TRIM49: variants seen among roughly 807,000 people sequenced by gnomAD.
The protein encoded by TRIM49 is tripartite motif-containing protein 49.
A neutral mutation model predicts 27.4 loss-of-function variants in TRIM49; 5 were observed. The ratio of observed to expected loss-of-function variants is 0.18; its 90% confidence interval spans 0.10 to 0.38. The LOEUF (loss-of-function observed/expected upper bound fraction) is 0.38, where lower values mean the gene tolerates loss of function less well. Among genes scored for constraint, TRIM49 ranks in the 10% least tolerant of loss-of-function variants. TRIM49 has a pLI of 1.00. For missense variants in TRIM49, 188 were observed against 487.5 expected, an observed-to-expected ratio of 0.39 and a Z score of 5.79; for synonymous variants, 69 against 166.0, an observed-to-expected ratio of 0.42 and a Z score of 4.49.
chr11:89,768,191 C>T, the TRIM49 span: 199 of 1,357,518 alleles, frequency 1.5e-4, 12 homozygotes, highest in East Asian at 5.7e-4. Flanking sequence ...ACACTCACCT[C>T]GGAAGTGGTT....
chr11:89,790,836 G>C, the TRIM49 span, among the ~76,000 whole-genome samples: 2 of 152,186 alleles, frequency 1.3e-5, no homozygotes, highest in South Asian at 2.1e-4. Flanking sequence ...CTAAAAATCA[G>C]AGCACCTCTC....
chr11:89,802,893 T>C (rs1345273267), intron 4 of TRIM49, among the ~76,000 whole-genome samples: 8 of 149,492 alleles, frequency 5.4e-5, no homozygotes, highest in Admixed American at 5.3e-4. Flanking sequence ...AATTTGACTC[T>C]CTTATTTGGA....
downstream of TRIM49, among the ~76,000 whole-genome samples, chr11:89,793,063 A>G (rs1949665827): frequency 6.6e-6 from 1 of 152,126 alleles, no homozygotes; most frequent in South Asian, 2.1e-4. Flanking sequence ...TAAAGGGGAT[A>G]TCACCACCGA....
At chr11:89,791,368 A>C in the TRIM49 span, among the ~76,000 whole-genome samples, 1 of 152,126 alleles carries the variant, frequency 6.6e-6, no homozygotes, top group African/African-American at 2.4e-5. Flanking sequence ...GCAGGCCAAC[A>C]TTCAAATTCA....
intron 4 of TRIM49, among the ~76,000 whole-genome samples, chr11:89,802,603 A>G (rs1270510800): frequency 1.3e-5 from 2 of 150,998 alleles, no homozygotes; most frequent in Non-Finnish European, 2.9e-5. Flanking sequence ...ACATACATAC[A>G]TACATATATA....
the TRIM49 span, chr11:89,776,878 G>A: frequency 3.2e-5 from 41 of 1,281,780 alleles, 1 homozygote; most frequent in Non-Finnish European, 3.8e-5. Flanking sequence ...CAGAGCTCAA[G>A]TAGACAAAGA....
chr11:89,800,874 T>C lies in TRIM49; in HGVS notation c.761+92A>G, dbSNP rs905641194. 9.5e-6 allele frequency: 7 copies of C among 733,456 alleles called. No homozygotes were observed. In the African/African-American group the frequency reaches 1.2e-4, roughly 12 times the overall value. 45.4% of individuals were successfully genotyped at this position (733,456 alleles called of 1,614,324 possible). A position where few individuals can be genotyped will look rare whatever the true frequency, so the allele number is the denominator to read the frequency against. On this transcript the variant is annotated intron_variant, in intron 6 of 7. Coordinates refer to ENST00000329758, the MANE Select transcript of TRIM49 (RefSeq NM_020358.2). ...GATGCAAAAAAAAGTGGTATCAATA[T>C]CTTAATTATTTATGCCATGACTTTA...
At chr11:89,790,435 T>A in the TRIM49 span, among the ~76,000 whole-genome samples, 8 of 151,206 alleles carry the variant, frequency 5.3e-5, no homozygotes, top group Non-Finnish European at 8.8e-5. Context: ...GAGTTTGAGA[T>A]CTGAGAACGG....
At chr11:89,794,014 T>TA (rs1227009289), downstream of TRIM49, among the ~76,000 whole-genome samples, 3 of 143,984 alleles carry the variant, frequency 2.1e-5, no homozygotes, top group African/African-American at 7.7e-5. Flanking sequence ...AAAATCTCCT[T>TA]AAGCTGATAA....
chr11:89,805,167 C>CT (rs1460999523), intron 2 of TRIM49, among the ~76,000 whole-genome samples: 2 of 151,428 alleles, frequency 1.3e-5, no homozygotes, highest in Admixed American at 6.6e-5. Flanking sequence ...GATATTGGGT[C>CT]TTTTTATTTT....
the TRIM49 span, among the ~76,000 whole-genome samples, chr11:89,770,228 C>T: frequency 2.2e-4 from 27 of 122,364 alleles, no homozygotes; most frequent in Admixed American, 1.5e-4. Flanking sequence ...TCATTTCACA[C>T]GGAATAACAC....
chr11:89,792,638 A>G, the TRIM49 span, among the ~76,000 whole-genome samples: 5 of 152,262 alleles, frequency 3.3e-5, no homozygotes, highest in East Asian at 9.6e-4. Flanking sequence ...CTGCTCCTGA[A>G]TGACTACCGG....
chr11:89,767,915 A>G, the TRIM49 span, among the ~76,000 whole-genome samples: 1 of 137,280 alleles, frequency 7.3e-6, no homozygotes, highest in Non-Finnish European at 1.5e-5. Context: ...TGTATACATG[A>G]AATTGTATCA....
the TRIM49 span, chr11:89,768,237 G>T: frequency 8.2e-5 from 122 of 1,490,468 alleles, 9 homozygotes; most frequent in African/African-American, 1.9e-3. Flanking sequence ...GGCCCTGTAG[G>T]GAACTCTGGA....
chr11:89,791,140 G>A, the TRIM49 span, among the ~76,000 whole-genome samples: 2 of 151,220 alleles, frequency 1.3e-5, no homozygotes, highest in African/African-American at 2.4e-5. Context: ...GGAAGAAAGG[G>A]TATCAGTGAT....
At chr11:89,769,246 T>C in the TRIM49 span, among the ~76,000 whole-genome samples, 1 of 132,020 alleles carries the variant, frequency 7.6e-6, no homozygotes, top group African/African-American at 3.7e-5. Flanking sequence ...CTTTAGGTTT[T>C]GAAAACTTTA....
chr11:89,793,607 A>C (rs1018524789), downstream of TRIM49, among the ~76,000 whole-genome samples: 4 of 152,018 alleles, frequency 2.6e-5, no homozygotes, highest in Non-Finnish European at 4.4e-5. Flanking sequence ...GTAATCCAGC[A>C]CATAAACAGA....
chr11:89,780,027 G>A, the TRIM49 span, among the ~76,000 whole-genome samples: 2 of 101,014 alleles, frequency 2.0e-5, no homozygotes, highest in African/African-American at 3.7e-5. Context: ...AATCATAGAG[G>A]TGTCTTCTAC....
intron 2 of TRIM49, among the ~76,000 whole-genome samples, chr11:89,804,746 A>C (rs376934441): frequency 2.0e-5 from 3 of 151,120 alleles, no homozygotes; most frequent in Non-Finnish European, 4.4e-5. Context: ...CCATTTTCTG[A>C]ACATAGATCT....
Sources: gnomAD v4.1 joint callset for allele counts (sites outside exome capture counted in the v4.1 genomes callset) on GRCh38, gnomAD v4.1.1 for gene constraint, MANE v1.5 for transcripts, NCBI Gene and HGNC (gene_info 2026-07-23, HGNC 2026-07-21) for gene names.